Variants in SGCD observed in about 807,000 individuals in gnomAD.
SGCD encodes the protein sarcoglycan delta.
SGCD carries 18 observed loss-of-function variants against 36.6 expected under a neutral mutation model. The observed-to-expected ratio is 0.49, with a 90% CI of 0.34 to 0.73. The LOEUF (loss-of-function observed/expected upper bound fraction) is 0.73, where lower values mean the gene tolerates loss of function less well. Ranked by LOEUF, SGCD falls within the 30% of genes least tolerant of loss-of-function variation. SGCD has a pLI of 0.01. For synonymous variants in SGCD, 133 were observed against 130.6 expected, an observed-to-expected ratio of 1.02 and a Z score of -0.12; for missense variants, 387 against 346.7, an observed-to-expected ratio of 1.12 and a Z score of -0.92.
At chr5:156,440,461 T>G (rs1420982816) in intron 3 of SGCD, among the ~76,000 whole-genome samples, 3 of 152,178 alleles carry the variant, frequency 2.0e-5, no homozygotes, top group African/African-American at 7.2e-5. Context: ...GGCATATGTT[T>G]TTAATTCCCT....
chr5:156,693,530 T>G (rs1402278466), intron 7 of SGCD, among the ~76,000 whole-genome samples: 1 of 152,168 alleles, frequency 6.6e-6, no homozygotes, highest in Non-Finnish European at 1.5e-5. Flanking sequence ...GAGAAAATAC[T>G]CTTTAGGAAT....
intron 3 of SGCD, among the ~76,000 whole-genome samples, chr5:156,503,380 T>C (rs541144491): frequency 6.6e-6 from 1 of 152,276 alleles, no homozygotes; most frequent in South Asian, 2.1e-4. Context: ...TAGGATCCCT[T>C]CGACTCTGAG....
chr5:155,948,121 C>CA (rs532441518), intron 1 of SGCD, among the ~76,000 whole-genome samples: 3 of 151,874 alleles, frequency 2.0e-5, no homozygotes, highest in African/African-American at 4.8e-5. Context: ...ACTAAAAATA[C>CA]AAAAAAATAG....
At chr5:155,908,561 G>C (rs1278136961) in intron 1 of SGCD, among the ~76,000 whole-genome samples, 1 of 152,150 alleles carries the variant, frequency 6.6e-6, no homozygotes, top group Non-Finnish European at 1.5e-5. Flanking sequence ...GACAGCAAGT[G>C]ATAGCGAGAT....
intron 7 of SGCD, among the ~76,000 whole-genome samples, chr5:156,690,445 G>A (rs1381477753): frequency 1.3e-5 from 2 of 152,144 alleles, no homozygotes; most frequent in African/African-American, 2.4e-5. Context: ...ATAGAAAGAG[G>A]TGGTATAAGC....
chr5:155,900,840 T>TA (rs1026694961), intron 1 of SGCD, among the ~76,000 whole-genome samples: 6 of 152,004 alleles, frequency 3.9e-5, no homozygotes, highest in Admixed American at 6.6e-5. Flanking sequence ...TAACTGGTAA[T>TA]AAAAAAACAA....
the SGCD span, among the ~76,000 whole-genome samples, chr5:155,730,960 G>A: frequency 2.0e-5 from 3 of 152,206 alleles, no homozygotes; most frequent in East Asian, 1.9e-4. Context: ...AGCATGGGGC[G>A]CATGCCTCTC....
intron 4 of SGCD, among the ~76,000 whole-genome samples, chr5:156,522,353 A>T (rs949884559): frequency 6.6e-6 from 1 of 152,112 alleles, no homozygotes; most frequent in Non-Finnish European, 1.5e-5. Flanking sequence ...AATAAAAAAG[A>T]TACTAAAAAA....
intron 6 of SGCD, among the ~76,000 whole-genome samples, chr5:156,629,681 C>A (rs996517102): frequency 1.3e-5 from 2 of 152,076 alleles, no homozygotes; most frequent in African/African-American, 2.4e-5. Flanking sequence ...GTCTCTGTTG[C>A]AGCTACTCAA....
At position 156,058,431 on chromosome 5, in the gene SGCD, A is replaced by C. The variant is rs957998368; in HGVS notation, c.-281-59447A>C. ...TTAATGTGCATGTGAATCATCTGGGATCTTGTGGAAATGCAGATTCTGCTT... is the reference window on the plus strand; with the variant it reads ...TTAATGTGCATGTGAATCATCTGGGCTCTTGTGGAAATGCAGATTCTGCTT... On this transcript the variant is annotated intron_variant, in intron 1 of 9. Coordinates refer to the SGCD transcript ENST00000517913. Among the ~76,000 whole-genome samples the C allele has an allele frequency of 4.8e-5, 7 of 146,206 alleles. 1 individual carries two copies. Among genetic ancestry groups the C allele is most frequent in the African/African-American group, 1.5e-4 (6 of 40,672 alleles).
chr5:156,437,248 G>A (rs564851790), intron 3 of SGCD, among the ~76,000 whole-genome samples: 1 of 152,216 alleles, frequency 6.6e-6, no homozygotes, highest in South Asian at 2.1e-4. Flanking sequence ...TGGTACATAT[G>A]TTGTGGTTTG....
At chr5:155,757,516 C>T in the SGCD span, among the ~76,000 whole-genome samples, 1 of 152,132 alleles carries the variant, frequency 6.6e-6, no homozygotes, top group East Asian at 1.9e-4. Context: ...TTGTTTAGCC[C>T]TAAATAGTTA....
the SGCD span, among the ~76,000 whole-genome samples, chr5:155,782,216 C>T: frequency 4.5e-4 from 69 of 151,834 alleles, no homozygotes; most frequent in South Asian, 3.7e-3. Context: ...GTAGAGACAG[C>T]GTTTTGTCAT....
chr5:155,916,663 T>G (rs987328594), intron 1 of SGCD, among the ~76,000 whole-genome samples: 10 of 152,250 alleles, frequency 6.6e-5, no homozygotes, highest in Admixed American at 3.9e-4. Context: ...ACATGCATTG[T>G]TTTTGATAAA....
the SGCD span, among the ~76,000 whole-genome samples, chr5:155,843,764 C>T: frequency 6.6e-6 from 1 of 152,154 alleles, no homozygotes; most frequent in Admixed American, 6.5e-5. Flanking sequence ...GGGGCTACAG[C>T]TAGGACATGA....
intron 3 of SGCD, among the ~76,000 whole-genome samples, chr5:156,135,853 A>G (rs1478926324): frequency 1.3e-5 from 2 of 152,152 alleles, no homozygotes; most frequent in Non-Finnish European, 2.9e-5. Context: ...AATATATTTT[A>G]GATTCCTGAA....
rs115926086 is a variant in SGCD, at chr5:156,149,520, G to C, written c.-44+25501G>C. 4.0e-3 allele frequency among the ~76,000 whole-genome samples: 615 copies of C among 152,180 alleles called. 8 individuals carry two copies. The highest frequency in any genetic ancestry group is 0.017 in the Middle Eastern group (5 of 294). On this transcript the variant is annotated intron_variant, in intron 3 of 9. Coordinates refer to the SGCD transcript ENST00000517913. ...TCTGTGATTTCTTCCTTGTCTCTTG[G>C]TTCTCAGTAAAGGGCAGCCCTAGGG...
At chr5:155,852,379 T>C in the SGCD span, among the ~76,000 whole-genome samples, 1 of 152,186 alleles carries the variant, frequency 6.6e-6, no homozygotes, top group Admixed American at 6.6e-5. Context: ...TTTTGGTGTG[T>C]GCAGATAAGG....
intron 3 of SGCD, among the ~76,000 whole-genome samples, chr5:156,298,132 ATAGTACTCTGTTGTGTATCTG>A (rs1311168782): frequency 6.6e-6 from 1 of 152,116 alleles, no homozygotes; most frequent in Non-Finnish European, 1.5e-5. Context: ...TTATGGTTGA[ATAGTACTCTGTTGTGTATCTG>A]TACCACATTC....
Sources: allele counts gnomAD v4.1 joint callset (sites outside exome capture counted in the v4.1 genomes callset), GRCh38; gene constraint gnomAD v4.1.1; transcripts MANE v1.5; gene names NCBI Gene and HGNC (gene_info 2026-07-23, HGNC 2026-07-21).